The following TBL1X variants were observed in gnomAD, a reference collection of about 807,000 sequenced individuals.
TBL1X encodes F-box-like/WD repeat-containing protein TBL1X.
In TBL1X, 10 loss-of-function variants were observed where a neutral mutation model predicts 50.7. That is an observed-to-expected ratio of 0.20 (90% CI 0.12 to 0.33). The LOEUF (loss-of-function observed/expected upper bound fraction) is 0.33, where lower values mean the gene tolerates loss of function less well. Ranked by LOEUF, TBL1X falls within the 10% of genes least tolerant of loss-of-function variation. The pLI, the probability that TBL1X is intolerant of heterozygous loss-of-function variation, is 1.00. For synonymous variants in TBL1X, 190 were observed against 214.7 expected (o/e 0.88, Z 1.01); for missense variants, 340 against 504.4 (o/e 0.67, Z 3.12).
chrX:9,693,494 G>A (rs1420572138), intron 11 of TBL1X, 75 bp downstream of exon 11: 1 of 980,217 alleles, frequency 1.0e-6, no homozygotes, highest in Non-Finnish European at 1.4e-6. Context: ...TAACATCGTG[G>A]TTTCTTGGAA....
chrX:9,590,293 G>A (rs1354272761), intron 2 of TBL1X, among the ~76,000 whole-genome samples: 1 of 111,584 alleles, frequency 9.0e-6, no homozygotes, highest in African/African-American at 3.3e-5. Flanking sequence ...AAGCTGGGTG[G>A]CAGTTATATG....
intron 2 of TBL1X, among the ~76,000 whole-genome samples, chrX:9,568,056 G>A (rs746263185): frequency 1.8e-5 from 2 of 111,928 alleles, no homozygotes; most frequent in Admixed American, 1.9e-4. Context: ...TGCTGTTGCG[G>A]ATGCCCAGCG....
intron 5 of TBL1X, among the ~76,000 whole-genome samples, chrX:9,681,641 A>G (rs1447265597): frequency 8.9e-6 from 1 of 112,518 alleles, no homozygotes; most frequent in East Asian, 2.8e-4. Context: ...TCCCAGGAGC[A>G]CGAGACTTTC....
rs569024006 is a variant in TBL1X, at chrX:9,631,092, C to T, written c.-130-9181C>T. On this transcript the variant is annotated intron_variant, in intron 2 of 17. Transcript: ENST00000645353. ...AGAGAAGACTCTGGCTTTTTAAATCCAGTTTCACAATCTCGGCCTCTTATT... is the reference window on the plus strand; with the variant it reads ...AGAGAAGACTCTGGCTTTTTAAATCTAGTTTCACAATCTCGGCCTCTTATT... 6.3e-5 allele frequency among the ~76,000 whole-genome samples: 7 copies of T among 111,579 alleles called. No individual in the cohort carries two copies. In the South Asian group the frequency reaches 2.6e-3, roughly 41 times the overall value.
At position 9,685,007 on chromosome X, in the gene TBL1X, C is replaced by T. The variant is rs541780855; in HGVS notation, c.357+819C>T. 4.2e-4 allele frequency among the ~76,000 whole-genome samples: 47 copies of T among 112,420 alleles called. 1 individual carries two copies. In the South Asian group the frequency reaches 0.016, roughly 39 times the overall value. On this transcript the variant is annotated intron_variant, in intron 6 of 17. Transcript: ENST00000645353. ...TGATGGCTCTGGTGTTAATGAGGAT[C>T]TCAAGGGATGCCTTCATTACCGGGC...
chrX:9,635,552 T>C (rs780402685), intron 2 of TBL1X, among the ~76,000 whole-genome samples: 1 of 111,941 alleles, frequency 8.9e-6, no homozygotes, highest in Non-Finnish European at 1.9e-5. Context: ...GTAGTGAGCA[T>C]GTGCGGCCCT....
chrX:9,609,312 A>G (rs2082600116), intron 2 of TBL1X, among the ~76,000 whole-genome samples: 2 of 104,001 alleles, frequency 1.9e-5, no homozygotes, highest in Middle Eastern at 4.7e-3. Flanking sequence ...TTGCCCCAGC[A>G]TTTTGGTGGT....
rs1309429115 is a variant in TBL1X at position 9,587,297 on chromosome X, G to A, written c.-130-52976G>A. Among the ~76,000 whole-genome samples, 4 of 112,101 alleles carry A rather than the reference G, an allele frequency of 3.6e-5. No homozygotes were observed. In the East Asian group the frequency reaches 1.1e-3, roughly 32 times the overall value. On this transcript the variant is annotated intron_variant, in intron 2 of 17. Transcript: ENST00000645353. ...AGTCCAGGGAGAGCAGAGGAGGCCAGTGACTTCCATGAAAACACCCCCAGT... is the reference window on the plus strand; with the variant it reads ...AGTCCAGGGAGAGCAGAGGAGGCCAATGACTTCCATGAAAACACCCCCAGT...
chrX:9,599,639 C>T (rs968291429), intron 2 of TBL1X, among the ~76,000 whole-genome samples: 54 of 112,454 alleles, frequency 4.8e-4, no homozygotes, highest in African/African-American at 1.7e-3. Flanking sequence ...TTCAAAGTCT[C>T]TAGTTTTCTC....
intron 2 of TBL1X, among the ~76,000 whole-genome samples, chrX:9,503,362 AAC>A (rs1469107045): frequency 8.8e-6 from 1 of 113,163 alleles, no homozygotes; most frequent in Non-Finnish European, 1.9e-5. Flanking sequence ...CCAGCCCCAG[AAC>A]ACACAGATTC....
chrX:9,608,911 G>T (rs1432117930), intron 2 of TBL1X, among the ~76,000 whole-genome samples: 1 of 109,131 alleles, frequency 9.2e-6, no homozygotes, highest in Non-Finnish European at 1.9e-5. Context: ...GCCTTGGGAA[G>T]AGAGTTTCTC....
intron 5 of TBL1X, among the ~76,000 whole-genome samples, chrX:9,676,104 T>A (rs944968783): frequency 2.7e-5 from 3 of 112,244 alleles, no homozygotes; most frequent in African/African-American, 9.7e-5. Flanking sequence ...CGTAAATCTC[T>A]GGTTTAGCAT....
chrX:9,549,998 T>C, intron 2 of TBL1X, among the ~76,000 whole-genome samples: 1 of 111,773 alleles, frequency 8.9e-6, no homozygotes, highest in African/African-American at 3.3e-5. Context: ...AGGAGGATGG[T>C]GGCAGATCAG....
intron 5 of TBL1X, among the ~76,000 whole-genome samples, chrX:9,662,616 T>C (rs772753692): frequency 1.8e-5 from 2 of 111,633 alleles, no homozygotes; most frequent in African/African-American, 3.3e-5. Context: ...TTTTGCAAAA[T>C]GAATAACGTT....
intron 2 of TBL1X, among the ~76,000 whole-genome samples, chrX:9,556,284 G>A (rs1018585703): frequency 1.8e-5 from 2 of 111,026 alleles, no homozygotes; most frequent in African/African-American, 3.3e-5. Context: ...AGTGGTGGGG[G>A]AGAAGGTGGA....
At chrX:9,492,887 GT>G (rs1569206172) in intron 1 of TBL1X, among the ~76,000 whole-genome samples, 679 of 32,426 alleles carry the variant, frequency 0.021, 27 homozygotes, top group Middle Eastern at 0.085. Flanking sequence ...GTGTGTGTGT[GT>G]GTGTGTGTGT....
At chrX:9,671,388 G>C (rs1401474080) in intron 5 of TBL1X, among the ~76,000 whole-genome samples, 1 of 112,656 alleles carries the variant, frequency 8.9e-6, no homozygotes, top group Non-Finnish European at 1.9e-5. Flanking sequence ...GTTTTTATTT[G>C]GGGGCCATTC....
intron 2 of TBL1X, among the ~76,000 whole-genome samples, chrX:9,514,361 A>C: frequency 9.1e-6 from 1 of 110,318 alleles, no homozygotes; most frequent in Non-Finnish European, 1.9e-5. Flanking sequence ...CAGGAGATTG[A>C]GTCTTAATCC....
At chrX:9,523,650 C>G (rs1468047390) in intron 2 of TBL1X, among the ~76,000 whole-genome samples, 2 of 112,461 alleles carry the variant, frequency 1.8e-5, no homozygotes, top group Non-Finnish European at 3.8e-5. Flanking sequence ...GAGGCGCCCC[C>G]AGCCCCACCC....
Sources: gnomAD v4.1 joint callset for allele counts (sites outside exome capture counted in the v4.1 genomes callset) on GRCh38, gnomAD v4.1.1 for gene constraint, MANE v1.5 for transcripts, NCBI Gene and HGNC (gene_info 2026-07-23, HGNC 2026-07-21) for gene names.